The following TAOK3 variants were observed in gnomAD, a reference collection of about 807,000 sequenced individuals.
TAOK3 encodes the protein serine/threonine-protein kinase TAO3.
A neutral mutation model predicts 120.4 loss-of-function variants in TAOK3; 40 were observed. The observed-to-expected ratio is 0.33, with a 90% confidence interval of 0.26 to 0.43. The LOEUF (loss-of-function observed/expected upper bound fraction) is 0.43, where lower values mean the gene tolerates loss of function less well. Among genes scored for constraint, TAOK3 ranks in the 20% least tolerant of loss-of-function variants. The probability of loss-of-function intolerance (pLI) is 1.00; values close to 1 mark genes in which losing one functional copy is unlikely to be tolerated. For synonymous variants in TAOK3, 355 were observed against 387.5 expected (o/e 0.92, Z 0.99); for missense variants, 821 against 1,112.1 (o/e 0.74, Z 3.72).
chr12:118,338,350 C>T (rs2044452249), intron 1 of TAOK3, among the ~76,000 whole-genome samples: 2 of 152,174 alleles, frequency 1.3e-5, no homozygotes, highest in Admixed American at 1.3e-4. Context: ...TTTAATAACT[C>T]TATTTCCAGT....
intron 1 of TAOK3, among the ~76,000 whole-genome samples, chr12:118,328,080 A>C (rs1331096434): frequency 3.3e-5 from 5 of 151,226 alleles, no homozygotes; most frequent in Admixed American, 3.3e-4. Flanking sequence ...TTGAGACAGA[A>C]TCTCACTCTG....
At chr12:118,217,615 C>T (rs1024124506) in intron 9 of TAOK3, among the ~76,000 whole-genome samples, 7 of 150,534 alleles carry the variant, frequency 4.7e-5, no homozygotes, top group Admixed American at 6.6e-5. Context: ...ACCCGGGAGG[C>T]GGAGGTTGCA....
intron 7 of TAOK3, chr12:118,235,900 G>A: frequency 2.3e-6 from 1 of 428,350 alleles, no homozygotes; most frequent in Non-Finnish European, 4.3e-6. Context: ...CTTAAAGGTA[G>A]AGCTTTCTTC....
At chr12:118,355,825 T>C (rs1024724489) in intron 1 of TAOK3, among the ~76,000 whole-genome samples, 3 of 152,224 alleles carry the variant, frequency 2.0e-5, no homozygotes, top group Non-Finnish European at 4.4e-5. Flanking sequence ...TTTCATTTAA[T>C]CCTCACAACA....
At chr12:118,248,048 T>C (rs985994895) in intron 3 of TAOK3, among the ~76,000 whole-genome samples, 1 of 152,098 alleles carries the variant, frequency 6.6e-6, no homozygotes, top group Non-Finnish European at 1.5e-5. Context: ...TAGAGAAAAA[T>C]TCATAATCAT....
intron 9 of TAOK3, among the ~76,000 whole-genome samples, chr12:118,220,576 T>C (rs2139631262): frequency 6.6e-6 from 1 of 150,992 alleles, no homozygotes; most frequent in East Asian, 2.0e-4. Flanking sequence ...GAACACTGAA[T>C]TGCATAGGAG....
chr12:118,208,077 A>T (rs2038430145), intron 11 of TAOK3, among the ~76,000 whole-genome samples: 1 of 152,184 alleles, frequency 6.6e-6, no homozygotes, highest in African/African-American at 2.4e-5. Flanking sequence ...CTACTTGGAA[A>T]GATAAGGAAA....
At chr12:118,298,924 A>G (rs2042777255) in intron 1 of TAOK3, among the ~76,000 whole-genome samples, 1 of 152,170 alleles carries the variant, frequency 6.6e-6, no homozygotes, top group African/African-American at 2.4e-5. Flanking sequence ...TCTGACCTAA[A>G]TCTATGCCAG....
At chr12:118,215,730 A>T (rs897656022) in intron 9 of TAOK3, among the ~76,000 whole-genome samples, 1 of 151,966 alleles carries the variant, frequency 6.6e-6, no homozygotes, top group Admixed American at 6.6e-5. Flanking sequence ...TTATTTTTTA[A>T]TTATTTATTT....
At chr12:118,270,736 C>A (rs1350744822) in intron 1 of TAOK3, among the ~76,000 whole-genome samples, 1 of 150,286 alleles carries the variant, frequency 6.7e-6, no homozygotes, top group Non-Finnish European at 1.5e-5. Context: ...CGCAGTGGCG[C>A]CGATCTCGGT....
At chr12:118,360,510 G>A (rs1044933378) in intron 1 of TAOK3, among the ~76,000 whole-genome samples, 13 of 148,356 alleles carry the variant, frequency 8.8e-5, no homozygotes, top group Non-Finnish European at 1.9e-4. Context: ...GGAGCTTGCA[G>A]TGAGCCAAGA....
intron 13 of TAOK3, 180 bp from the exon 14 acceptor site, chr12:118,190,121 T>G (rs749699083): frequency 9.3e-5 from 66 of 709,112 alleles, no homozygotes; most frequent in Non-Finnish European, 1.5e-4. Flanking sequence ...AGCCTTCAGT[T>G]AGGAATGTCA....
At chr12:118,224,671 T>A (rs2039415844) in intron 9 of TAOK3, among the ~76,000 whole-genome samples, 1 of 152,144 alleles carries the variant, frequency 6.6e-6, no homozygotes, top group Non-Finnish European at 1.5e-5. Context: ...AGGAGATCAA[T>A]TTACCCAAAG....
intron 1 of TAOK3, among the ~76,000 whole-genome samples, chr12:118,292,543 T>C (rs2042524974): frequency 6.6e-6 from 1 of 152,194 alleles, no homozygotes; most frequent in Non-Finnish European, 1.5e-5. Flanking sequence ...AGAGTTACTA[T>C]TCCTGATCTC....
intron 1 of TAOK3, among the ~76,000 whole-genome samples, chr12:118,281,753 A>AG (rs2042106612): frequency 1.3e-5 from 2 of 151,502 alleles, no homozygotes; most frequent in African/African-American, 4.8e-5. Flanking sequence ...ACTCTGCCTC[A>AG]GAAAAAAAAA....
chr12:118,304,062 C>T (rs2042967674), intron 1 of TAOK3, among the ~76,000 whole-genome samples: 1 of 152,194 alleles, frequency 6.6e-6, no homozygotes, highest in Non-Finnish European at 1.5e-5. Context: ...GAGAGTCTGG[C>T]ACTGTTTCAG....
At chr12:118,154,577 T>C (rs2034671883) in intron 19 of TAOK3, among the ~76,000 whole-genome samples, 1 of 151,448 alleles carries the variant, frequency 6.6e-6, no homozygotes, top group South Asian at 2.1e-4. Context: ...GTAGCTGAGA[T>C]TACAGGTAAG....
At chr12:118,356,731 A>T (rs1488463558) in intron 1 of TAOK3, among the ~76,000 whole-genome samples, 1 of 151,772 alleles carries the variant, frequency 6.6e-6, no homozygotes, top group South Asian at 2.1e-4. Flanking sequence ...TAGGCAACAC[A>T]GCAAGACTCC....
intron 13 of TAOK3, among the ~76,000 whole-genome samples, chr12:118,198,205 T>C (rs1168146501): frequency 6.6e-6 from 1 of 152,026 alleles, no homozygotes. Flanking sequence ...CAAAGCTCTC[T>C]CTGTCTCAGT....
Sources: gnomAD v4.1 joint callset for allele counts (sites outside exome capture counted in the v4.1 genomes callset) on GRCh38, gnomAD v4.1.1 for gene constraint, MANE v1.5 for transcripts, NCBI Gene and HGNC (gene_info 2026-07-23, HGNC 2026-07-21) for gene names.